The following TMEM117 variants were observed in gnomAD, a reference collection of about 807,000 sequenced individuals.
The protein encoded by TMEM117 is transmembrane protein 117.
In TMEM117, 27 loss-of-function variants were observed where a neutral mutation model predicts 52.4. The observed-to-expected ratio is 0.51, with a 90% CI of 0.38 to 0.71. The LOEUF is 0.71. TMEM117 is among the 30% of genes least tolerant of loss of function. The pLI, the probability that TMEM117 is intolerant of heterozygous loss-of-function variation, is 0.00. For synonymous variants in TMEM117, 215 were observed against 206.3 expected (o/e 1.04, Z -0.36); for missense variants, 556 against 630.5 (o/e 0.88, Z 1.26).
intron 3 of TMEM117, among the ~76,000 whole-genome samples, chr12:43,971,503 G>A (rs1007068182): frequency 1.3e-5 from 2 of 152,092 alleles, no homozygotes; most frequent in African/African-American, 4.8e-5. Context: ...AAACCTCTAG[G>A]TCTTGATATA....
chr12:43,836,520 C>T (rs975843197), intron 1 of TMEM117, among the ~76,000 whole-genome samples: 3 of 152,116 alleles, frequency 2.0e-5, no homozygotes, highest in African/African-American at 7.2e-5. Context: ...AGTGTGTGTG[C>T]AGAGATACGG....
intron 4 of TMEM117, among the ~76,000 whole-genome samples, chr12:44,189,535 T>G (rs528888559): frequency 9.8e-5 from 15 of 152,308 alleles, no homozygotes; most frequent in African/African-American, 2.9e-4. Flanking sequence ...TTACTTGTTA[T>G]GTGCAAAAGG....
rs145404761 is a variant in TMEM117 at position 44,129,028 on chromosome 12, C to T, written c.411-14497C>T. The stretch of plus-strand genomic sequence containing the variant: ...AAGCTGTGCCATTCTGATTATTCTT[C>T]TACTTCATGTGTGTCTTACTGTTAG... On this transcript the variant is annotated intron_variant, in intron 3 of 7. Transcript: ENST00000266534. 5.1e-3 allele frequency among the ~76,000 whole-genome samples: 781 copies of T among 152,276 alleles called. 1 individual carries two copies. Among genetic ancestry groups the T allele is most frequent in the Non-Finnish European group, 6.7e-3 (459 of 68,016 alleles).
intron 1 of TMEM117, among the ~76,000 whole-genome samples, chr12:43,839,662 G>GT (rs1287823867): frequency 1.3e-5 from 2 of 152,092 alleles, no homozygotes; most frequent in African/African-American, 2.4e-5. Flanking sequence ...ACTGTGTTTA[G>GT]TTTTTATCTG....
At chr12:44,301,751 G>T (rs1784953408) in intron 6 of TMEM117, among the ~76,000 whole-genome samples, 1 of 151,822 alleles carries the variant, frequency 6.6e-6, no homozygotes, top group South Asian at 2.1e-4. Context: ...GCCTTTCCAG[G>T]TTTCTCGTTC....
At chr12:44,121,229 A>C (rs1249187559) in intron 3 of TMEM117, among the ~76,000 whole-genome samples, 1 of 152,192 alleles carries the variant, frequency 6.6e-6, no homozygotes, top group Non-Finnish European at 1.5e-5. Context: ...ACAAGATGAG[A>C]TTTTTGGGGG....
chr12:44,008,910 G>A (rs1487255716), intron 3 of TMEM117: 1 of 396,482 alleles, frequency 2.5e-6, no homozygotes, highest in South Asian at 2.2e-5. Flanking sequence ...ACTCTTTGAT[G>A]TGTCATGTAG....
intron 5 of TMEM117, among the ~76,000 whole-genome samples, chr12:44,255,129 G>A (rs537988113): frequency 3.9e-5 from 6 of 152,144 alleles, no homozygotes; most frequent in Non-Finnish European, 8.8e-5. Context: ...ACGTGTGCAT[G>A]TGTCTTTATA....
At chr12:43,909,827 G>T (rs1944463613) in intron 2 of TMEM117, among the ~76,000 whole-genome samples, 1 of 129,604 alleles carries the variant, frequency 7.7e-6, no homozygotes, top group African/African-American at 2.6e-5. Context: ...ACCAATAACA[G>T]GAGCTGAAAT....
At chr12:43,984,502 A>G (rs1447799101) in intron 3 of TMEM117, among the ~76,000 whole-genome samples, 1 of 151,932 alleles carries the variant, frequency 6.6e-6, no homozygotes, top group East Asian at 1.9e-4. Context: ...TGAACACCTG[A>G]CTCTTTCCAC....
chr12:44,309,477 T>C (rs1247796984), intron 6 of TMEM117, among the ~76,000 whole-genome samples: 1 of 151,938 alleles, frequency 6.6e-6, no homozygotes, highest in Non-Finnish European at 1.5e-5. Context: ...CACTGCACAG[T>C]GAAATGAGGA....
chr12:44,098,334 A>T (rs1947806921), intron 3 of TMEM117, among the ~76,000 whole-genome samples: 1 of 152,030 alleles, frequency 6.6e-6, no homozygotes, highest in Non-Finnish European at 1.5e-5. Flanking sequence ...ACTGTTCTCC[A>T]CTTTCCAGAA....
intron 1 of TMEM117, among the ~76,000 whole-genome samples, chr12:43,842,307 G>A (rs1245667210): frequency 6.6e-6 from 1 of 152,166 alleles, no homozygotes; most frequent in Non-Finnish European, 1.5e-5. Context: ...AGACTCTTGA[G>A]GTAGTCACCA....
intron 3 of TMEM117, among the ~76,000 whole-genome samples, chr12:44,020,919 A>G (rs1486674072): frequency 6.6e-6 from 1 of 152,184 alleles, no homozygotes; most frequent in Non-Finnish European, 1.5e-5. Flanking sequence ...GAGTTTGATG[A>G]TAATAACTAT....
intron 3 of TMEM117, among the ~76,000 whole-genome samples, chr12:44,066,659 C>T (rs1164417372): frequency 1.3e-5 from 2 of 152,126 alleles, no homozygotes; most frequent in African/African-American, 4.8e-5. Flanking sequence ...ATGTGCATAA[C>T]TCAGTTAAAA....
At chr12:44,298,172 A>G (rs1950792359) in intron 5 of TMEM117, among the ~76,000 whole-genome samples, 1 of 150,732 alleles carries the variant, frequency 6.6e-6, no homozygotes, top group Non-Finnish European at 1.5e-5. Flanking sequence ...GAAAAGGAAA[A>G]CCAAATTTTT....
At chr12:44,186,489 A>T (rs919439376) in intron 4 of TMEM117, among the ~76,000 whole-genome samples, 1 of 152,214 alleles carries the variant, frequency 6.6e-6, no homozygotes, top group Non-Finnish European at 1.5e-5. Flanking sequence ...TGTGTGAATT[A>T]CTGCCAAACA....
chr12:44,084,554 T>C (rs1947535277), intron 3 of TMEM117, among the ~76,000 whole-genome samples: 1 of 152,208 alleles, frequency 6.6e-6, no homozygotes, highest in Non-Finnish European at 1.5e-5. Flanking sequence ...GAGCTTTCCC[T>C]GTTGTGTCTT....
chr12:43,888,863 T>C (rs957981799), intron 2 of TMEM117, among the ~76,000 whole-genome samples: 2 of 152,032 alleles, frequency 1.3e-5, no homozygotes, highest in African/African-American at 4.8e-5. Flanking sequence ...AGTTAATTAT[T>C]ACAACAACTT....
Sources: gnomAD v4.1 joint callset for allele counts (sites outside exome capture counted in the v4.1 genomes callset) on GRCh38, gnomAD v4.1.1 for gene constraint, MANE v1.5 for transcripts, NCBI Gene and HGNC (gene_info 2026-07-23, HGNC 2026-07-21) for gene names.